SYNCRIP: variants seen among roughly 807,000 people sequenced by gnomAD.
SYNCRIP encodes the protein synaptotagmin binding cytoplasmic RNA interacting protein, also known as heterogeneous nuclear ribonucleoprotein Q.
SYNCRIP carries 9 observed loss-of-function variants against 68.9 expected under a neutral mutation model. The observed-to-expected ratio is 0.13, with a 90% CI of 0.08 to 0.23. The LOEUF (loss-of-function observed/expected upper bound fraction) is 0.23, where lower values mean the gene tolerates loss of function less well. Among genes scored for constraint, SYNCRIP ranks in the 10% least tolerant of loss-of-function variants. The pLI is 1.00. For synonymous variants in SYNCRIP, 258 were observed against 254.0 expected (o/e 1.02, Z -0.15); for missense variants, 414 against 770.6 (o/e 0.54, Z 5.48).
intron 6 of SYNCRIP, among the ~76,000 whole-genome samples, chr6:85,633,664 A>G (rs1169549716): frequency 1.3e-5 from 2 of 152,126 alleles, no homozygotes; most frequent in Admixed American, 1.3e-4. Context: ...GTATACCAAT[A>G]CCTACCATTG....
intron 6 of SYNCRIP, among the ~76,000 whole-genome samples, chr6:85,632,862 G>C (rs762528789): frequency 6.6e-6 from 1 of 152,156 alleles, no homozygotes; most frequent in South Asian, 2.1e-4. Flanking sequence ...ACGTAAGCCC[G>C]GGAGTTCAAG....
At position 85,641,276 on chromosome 6, in the gene SYNCRIP, A is replaced by G; in HGVS notation, c.148+16T>C. 6.3e-7 allele frequency: 1 copy of G among 1,588,004 alleles called. No individual in the cohort carries two copies. Among genetic ancestry groups the G allele is most frequent in the Non-Finnish European group, 8.5e-7 (1 of 1,169,694 alleles). ...GAAAAATTTCATAATGTAATTTTGC[A>G]AGTGTTAGTTCTTACCTGCAACGTA... On this transcript the variant is annotated intron_variant, in intron 2 of 10. Transcript: ENST00000369622.
intron 6 of SYNCRIP, among the ~76,000 whole-genome samples, chr6:85,632,432 T>G (rs890056196): frequency 3.3e-5 from 5 of 152,278 alleles, no homozygotes; most frequent in African/African-American, 1.2e-4. Flanking sequence ...ACAGTAGAGA[T>G]AGCTTCCAAA....
At chr6:85,636,914 T>G in intron 6 of SYNCRIP, 53 bp downstream of exon 6, 4 of 1,512,802 alleles carry the variant, frequency 2.6e-6, no homozygotes, top group Non-Finnish European at 3.5e-6. Context: ...GAAAAAAACT[T>G]GATATTAAAG....
At chr6:85,638,084 G>A (rs187188638) in intron 4 of SYNCRIP, among the ~76,000 whole-genome samples, 8 of 152,222 alleles carry the variant, frequency 5.3e-5, no homozygotes, top group African/African-American at 1.2e-4. Context: ...AGTATAGAAA[G>A]AAGTATAGGC....
At chr6:85,640,624 C>T (rs566057632) in intron 2 of SYNCRIP, 60 bp from the exon 3 acceptor site, 4 of 1,074,558 alleles carry the variant, frequency 3.7e-6, no homozygotes, top group South Asian at 3.3e-5. Flanking sequence ...TTAGAGAAGA[C>T]TATGTTGGCA....
At position 85,640,214 on chromosome 6, in the gene SYNCRIP, G is replaced by A. The variant is rs770361871; in HGVS notation, c.375+7C>T. ...TTTAAAACTAAAGGGAGTATAGAAA[G>A]ACATACCTTAATTTTTGCCTCATCT... On this transcript the variant is annotated splice_region_variant and intron_variant, in intron 4 of 10. Coordinates refer to ENST00000369622, the MANE Select transcript of SYNCRIP (RefSeq NM_006372.5). The A allele has an allele frequency of 7.5e-6, 12 of 1,595,468 alleles. No individual in the cohort carries two copies. The highest frequency in any genetic ancestry group is 1.3e-5 in the African/African-American group (1 of 74,476).
At chr6:85,629,962 TGA>T (rs1177660075) in intron 6 of SYNCRIP, among the ~76,000 whole-genome samples, 3 of 149,900 alleles carry the variant, frequency 2.0e-5, no homozygotes, top group South Asian at 2.1e-4. Context: ...CCAGCCTCGT[TGA>T]GAGTGAGGAT....
At chr6:85,623,583 A>C (rs948648341) in intron 7 of SYNCRIP, among the ~76,000 whole-genome samples, 1 of 144,004 alleles carries the variant, frequency 6.9e-6, no homozygotes, top group Admixed American at 7.1e-5. Context: ...AAAAAAAAAA[A>C]CACTCTGCTA....
chr6:85,637,044 G>A lies in SYNCRIP; in HGVS notation c.589C>T (p.Pro197Ser). The change falls in exon 6 of 11, where the codon CCA becomes TCA. Residue 197 changes from proline to serine, a missense_variant. Transcript: ENST00000369622. ...TAACCTCTATTGAGACCAGTGAGTG[G>A]ATCCATCATTAGACGAAGATCCCAT... ...PIWDLRLMMD[P>S]LTGLNRGYAF... is the part of the protein sequence containing the mutation. 6.2e-7 allele frequency: 1 copy of A among 1,614,118 alleles called. No individual in the cohort carries two copies. The highest frequency in any genetic ancestry group is 8.5e-7 in the Non-Finnish European group (1 of 1,180,012).
chr6:85,629,437 T>G (rs1562096975), intron 6 of SYNCRIP, among the ~76,000 whole-genome samples: 1 of 145,892 alleles, frequency 6.9e-6, no homozygotes, highest in East Asian at 2.0e-4. Context: ...TTCATCAAAA[T>G]GGCTGTTCAT....
At chr6:85,622,024 C>G (rs1806470429) in intron 8 of SYNCRIP, among the ~76,000 whole-genome samples, 1 of 148,886 alleles carries the variant, frequency 6.7e-6, no homozygotes, top group Non-Finnish European at 1.5e-5. Flanking sequence ...TGCGCACTGC[C>G]TAGTCCCGTA....
chr6:85,632,558 A>G (rs985032944), intron 6 of SYNCRIP, among the ~76,000 whole-genome samples: 4 of 152,234 alleles, frequency 2.6e-5, no homozygotes, highest in Admixed American at 6.5e-5. Context: ...AGAATGTTTC[A>G]ATTACTTCAC....
intron 6 of SYNCRIP, 70 bp downstream of exon 6, chr6:85,636,895 GCA>G: frequency 2.1e-6 from 3 of 1,422,458 alleles, no homozygotes; most frequent in Non-Finnish European, 2.9e-6. Flanking sequence ...AAACTCTTAG[GCA>G]CACTAAGAAA....
Position 85,614,955 on chromosome 6 carries a change from C to T in SYNCRIP, c.1673G>A (p.Gly558Asp), listed in dbSNP as rs1805595432. Residue 558 changes from glycine to aspartate, a missense_variant, in exon 11 of 11, where the codon GGT (glycine) becomes GAT (aspartate). Gly to Asp is a moderately conservative substitution (Grantham distance 94). Around this residue, in one of 6 missense-constraint regions of SYNCRIP, gnomAD observed 130 missense variants for 149.0 expected, o/e 0.87. Coordinates refer to ENST00000369622, the MANE Select transcript of SYNCRIP (RefSeq NM_006372.5). ...TTTGCGCTTTCCTCCTACATTTCCACCGCGGCCACCCCTCGCACCACGTAC... is the reference window on the plus strand; with the variant it reads ...TTTGCGCTTTCCTCCTACATTTCCATCGCGGCCACCCCTCGCACCACGTAC... ...RGVRGARGGR[G>D]GNVGGKRKAD... The T allele has an allele frequency of 6.2e-7, 1 of 1,613,816 alleles. No individual in the cohort carries two copies. Among genetic ancestry groups the T allele is most frequent in the African/African-American group, 1.3e-5 (1 of 74,902 alleles).
At chr6:85,634,941 G>A (rs1256902704) in intron 6 of SYNCRIP, among the ~76,000 whole-genome samples, 2 of 152,062 alleles carry the variant, frequency 1.3e-5, no homozygotes, top group South Asian at 4.1e-4. Context: ...AGGCCAAGGC[G>A]GGCAGATTAC....
chr6:85,614,542 C>T lies in SYNCRIP; in HGVS notation c.*214G>A. On this transcript the variant is annotated 3_prime_UTR_variant, in exon 11 of 11. Coordinates refer to ENST00000369622, the MANE Select transcript of SYNCRIP (RefSeq NM_006372.5). ...ACTCATTAACTATTTCTTTCAGTAT[C>T]TAAGAATATCTTTATTGAAAAAAAT... The T allele has an allele frequency of 1.6e-6, 2 of 1,271,332 alleles. No homozygotes were observed. Among genetic ancestry groups the T allele is most frequent in the Non-Finnish European group, 2.0e-6 (2 of 1,010,712 alleles). The allele number at this position is 1,271,332 out of a possible 1,614,324, so 78.8% of individuals were successfully genotyped here.
Position 85,640,567 on chromosome 6 carries a change from GA to G in SYNCRIP, c.149-4del. The G allele has an allele frequency of 6.5e-7, 1 of 1,537,570 alleles. No homozygotes were observed. The highest frequency in any genetic ancestry group is 8.8e-7 in the Non-Finnish European group (1 of 1,141,114). The stretch of plus-strand genomic sequence containing the variant: ...TAAATCACTATGTGCAACTAGCCCT[GA>G]AAAAAATAAAAGTTATCAGCTTTTA... On this transcript the variant is annotated splice_polypyrimidine_tract_variant and splice_region_variant and intron_variant, in intron 2 of 10. Coordinates refer to ENST00000369622, the MANE Select transcript of SYNCRIP (RefSeq NM_006372.5).
At chr6:85,608,738 A>C (rs928573477) in exon 12 of SYNCRIP, 26 of 152,046 alleles carry the variant, frequency 1.7e-4, no homozygotes, top group Admixed American at 1.1e-3. Context: ...TTAAAAACCT[A>C]ATCTTTGACC....
Sources: allele counts gnomAD v4.1 joint callset (sites outside exome capture counted in the v4.1 genomes callset), GRCh38; gene constraint gnomAD v4.1.1; regional missense constraint gnomAD v4.1.1; transcripts MANE v1.5; gene names NCBI Gene and HGNC (gene_info 2026-07-23, HGNC 2026-07-21).